ACVR1: variants seen among roughly 807,000 people sequenced by gnomAD.
ACVR1 encodes the protein activin receptor type-1.
A neutral mutation model predicts 57.1 loss-of-function variants in ACVR1; 38 were observed. The observed-to-expected ratio is 0.67, with a 90% CI of 0.51 to 0.87. The LOEUF (loss-of-function observed/expected upper bound fraction) is 0.87. Among genes scored for constraint, ACVR1 ranks in the 40% least tolerant of loss-of-function variants. The probability of loss-of-function intolerance (pLI) is 0.00; values close to 1 mark genes in which losing one functional copy is unlikely to be tolerated. For synonymous variants in ACVR1, 212 were observed against 228.1 expected (o/e 0.93, Z 0.63); for missense variants, 463 against 638.2 (o/e 0.73, Z 2.96).
intron 4 of ACVR1, among the ~76,000 whole-genome samples, chr2:157,779,574 GTTTCTTT>G (rs1254369698): frequency 3.3e-5 from 5 of 152,042 alleles, no homozygotes; most frequent in African/African-American, 4.8e-5. Flanking sequence ...TTTTTGGTTT[GTTTCTTT>G]TTTCTGAGTG....
At chr2:157,782,933 A>G (rs1320488669) in intron 3 of ACVR1, among the ~76,000 whole-genome samples, 1 of 152,224 alleles carries the variant, frequency 6.6e-6, no homozygotes, top group Non-Finnish European at 1.5e-5. Flanking sequence ...ATAAGGGGTT[A>G]GCACTGGGAT....
chr2:157,765,347 A>T (rs1685820981), intron 8 of ACVR1, among the ~76,000 whole-genome samples: 1 of 152,232 alleles, frequency 6.6e-6, no homozygotes, highest in Admixed American at 6.5e-5. Flanking sequence ...CTAATTCTAT[A>T]GAGTATTTAT....
intron 2 of ACVR1, among the ~76,000 whole-genome samples, chr2:157,811,158 TA>T (rs1440006412): frequency 1.3e-5 from 1 of 77,454 alleles, no homozygotes; most frequent in Non-Finnish European, 4.2e-5. Flanking sequence ...CAGGTATCTT[TA>T]CTTTTAATGC....
intron 1 of ACVR1, among the ~76,000 whole-genome samples, chr2:157,820,373 A>G (rs1161308503): frequency 2.6e-5 from 4 of 152,206 alleles, no homozygotes; most frequent in African/African-American, 4.8e-5. Context: ...AATCTGGCAG[A>G]TTCACACTAA....
At chr2:157,809,472 G>A (rs1437917851) in intron 2 of ACVR1, among the ~76,000 whole-genome samples, 3 of 152,062 alleles carry the variant, frequency 2.0e-5, no homozygotes, top group Non-Finnish European at 2.9e-5. Context: ...CAGGGTCAGT[G>A]CACAAGTTGA....
intron 2 of ACVR1, among the ~76,000 whole-genome samples, chr2:157,817,000 C>T (rs951686287): frequency 6.6e-6 from 1 of 151,840 alleles, no homozygotes; most frequent in Non-Finnish European, 1.5e-5. Context: ...TGTTCTGTTG[C>T]CCAGTCTGGG....
chr2:157,855,811 G>A (rs989582336), intron 1 of ACVR1, among the ~76,000 whole-genome samples: 4 of 152,036 alleles, frequency 2.6e-5, no homozygotes, highest in Non-Finnish European at 4.4e-5. Context: ...TGCATCGAGT[G>A]GTGGGAAATG....
At chr2:157,766,483 G>A (rs977746836) in intron 7 of ACVR1, among the ~76,000 whole-genome samples, 2 of 152,096 alleles carry the variant, frequency 1.3e-5, no homozygotes, top group Admixed American at 6.5e-5. Context: ...ATATCTTTGT[G>A]CTCACCCATA....
In ACVR1 at chr2:157,738,447, G is replaced by A; in HGVS notation, c.1388C>T (p.Ser463Leu). 1 of 1,614,112 alleles carries A rather than the reference G, an allele frequency of 6.2e-7. No individual in the cohort carries two copies. Among genetic ancestry groups the A allele is most frequent in the Admixed American group, 1.7e-5 (1 of 60,014 alleles). Residue 463 changes from serine to leucine, a missense_variant, in exon 10 of 11, where the codon TCA becomes TTA. Transcript: ENST00000434821. ...QRPNIPNRWF[S>L]DPTLTSLAKL... ...AGAAACTGGCATTCTTACCGGGTCT[G>A]AGAACCATCTGTTGGGTATGTTTGG...
intron 1 of ACVR1, among the ~76,000 whole-genome samples, chr2:157,862,998 T>C (rs546956089): frequency 6.7e-6 from 1 of 148,468 alleles, no homozygotes; most frequent in East Asian, 2.0e-4. Flanking sequence ...TAACCGCTGC[T>C]GTAGAACATT....
chr2:157,751,624 T>A (rs1241163336), intron 9 of ACVR1, among the ~76,000 whole-genome samples: 1 of 152,158 alleles, frequency 6.6e-6, no homozygotes, highest in Admixed American at 6.5e-5. Flanking sequence ...GGGAGCACAG[T>A]GGGAGTGAGA....
chr2:157,784,903 T>C (rs1686659978), intron 3 of ACVR1, among the ~76,000 whole-genome samples: 1 of 152,262 alleles, frequency 6.6e-6, no homozygotes, highest in Non-Finnish European at 1.5e-5. Context: ...CACAATTTGG[T>C]ATAATCTTGT....
intron 3 of ACVR1, among the ~76,000 whole-genome samples, chr2:157,789,057 C>T (rs746308093): frequency 1.3e-5 from 2 of 152,180 alleles, no homozygotes; most frequent in African/African-American, 4.8e-5. Flanking sequence ...CAAAACAATT[C>T]ATTAATTCTC....
At position 157,796,248 on chromosome 2, in the gene ACVR1, C is replaced by T. The variant is rs529803100; in HGVS notation, c.67+3179G>A. ...AAAAAAAAAAAAAAAAATTAAAAGG[C>T]AAAATATCATACAGAATCGATAGCC... On this transcript the variant is annotated intron_variant, in intron 3 of 10. Transcript: ENST00000434821. Among the ~76,000 whole-genome samples, 7 of 149,476 alleles carry T rather than the reference C, an allele frequency of 4.7e-5. No individual in the cohort carries two copies. In the South Asian group the frequency reaches 1.3e-3, roughly 27 times the overall value.
chr2:157,824,803 G>A (rs1271490551), intron 1 of ACVR1, among the ~76,000 whole-genome samples: 2 of 151,468 alleles, frequency 1.3e-5, no homozygotes, highest in East Asian at 3.9e-4. Flanking sequence ...AACCAGGCTG[G>A]AGTGCAGTGG....
At chr2:157,812,301 A>C (rs1266688422) in intron 2 of ACVR1, among the ~76,000 whole-genome samples, 2 of 152,194 alleles carry the variant, frequency 1.3e-5, no homozygotes, top group Non-Finnish European at 2.9e-5. Context: ...TTCAACAGAG[A>C]AACTGTAAGG....
At chr2:157,787,352 C>A (rs559530808) in intron 3 of ACVR1, among the ~76,000 whole-genome samples, 1 of 152,270 alleles carries the variant, frequency 6.6e-6, no homozygotes, top group Admixed American at 6.5e-5. Context: ...ATTCTGTCTT[C>A]AAACTTCTTG....
chr2:157,820,223 G>T (rs1688115151), intron 1 of ACVR1, among the ~76,000 whole-genome samples: 1 of 152,182 alleles, frequency 6.6e-6, no homozygotes. Flanking sequence ...GTCTTTTTCA[G>T]CAATCACTTA....
At chr2:157,748,351 A>T (rs1685050991) in intron 9 of ACVR1, among the ~76,000 whole-genome samples, 1 of 152,192 alleles carries the variant, frequency 6.6e-6, no homozygotes, top group South Asian at 2.1e-4. Flanking sequence ...CAAGTTCCAC[A>T]TCATACAGTT....
Sources: allele counts gnomAD v4.1 joint callset (sites outside exome capture counted in the v4.1 genomes callset), GRCh38; gene constraint gnomAD v4.1.1; transcripts MANE v1.5; gene names NCBI Gene and HGNC (gene_info 2026-07-23, HGNC 2026-07-21).